The following RABGAP1L variants were observed in gnomAD, a reference collection of about 807,000 sequenced individuals.
The protein encoded by RABGAP1L is RAB GTPase activating protein 1 like.
Under a neutral mutation model 137.7 loss-of-function variants are expected in RABGAP1L, and 63 were observed. That is an observed-to-expected ratio of 0.46 (90% CI 0.37 to 0.56). The LOEUF (loss-of-function observed/expected upper bound fraction) is 0.56. Ranked by LOEUF, RABGAP1L falls within the 20% of genes least tolerant of loss-of-function variation. The probability of loss-of-function intolerance (pLI) is 0.00; values close to 1 mark genes in which losing one functional copy is unlikely to be tolerated. For missense variants in RABGAP1L, 1,095 were observed against 1,244.0 expected (o/e 0.88, Z 1.80); for synonymous variants, 431 against 433.7 (o/e 0.99, Z 0.08).
chr1:174,385,321 A>G (rs1464080216), intron 12 of RABGAP1L, among the ~76,000 whole-genome samples: 1 of 152,232 alleles, frequency 6.6e-6, no homozygotes, highest in East Asian at 1.9e-4. Context: ...TTGAGCTACT[A>G]GAAGACTTGC....
intron 18 of RABGAP1L, among the ~76,000 whole-genome samples, chr1:174,791,010 G>A (rs1237982039): frequency 6.6e-6 from 1 of 152,012 alleles, no homozygotes; most frequent in Non-Finnish European, 1.5e-5. Flanking sequence ...GGCCAACATG[G>A]TGAAACCCCG....
At chr1:174,209,521 C>T (rs577915178) in intron 1 of RABGAP1L, among the ~76,000 whole-genome samples, 11 of 152,308 alleles carry the variant, frequency 7.2e-5, no homozygotes, top group Admixed American at 4.6e-4. Flanking sequence ...CCTGTGGAAA[C>T]GACAGGGATG....
intron 13 of RABGAP1L, among the ~76,000 whole-genome samples, chr1:174,452,701 A>C (rs531363556): frequency 1.3e-5 from 2 of 152,078 alleles, no homozygotes; most frequent in African/African-American, 4.8e-5. Flanking sequence ...AGCTGGGACT[A>C]CAGGCAGCTG....
chr1:174,595,946 C>T (rs1475445112), intron 13 of RABGAP1L, among the ~76,000 whole-genome samples: 1 of 103,982 alleles, frequency 9.6e-6, no homozygotes, highest in Non-Finnish European at 1.8e-5. Context: ...GGGCGCCCCT[C>T]CCCCAGCCTC....
intron 10 of RABGAP1L, among the ~76,000 whole-genome samples, chr1:174,290,985 C>G (rs1001545848): frequency 2.0e-5 from 3 of 152,090 alleles, no homozygotes; most frequent in African/African-American, 7.2e-5. Flanking sequence ...GTCTTGAACT[C>G]TTGGACTCAA....
At chr1:174,763,446 C>G (rs200498837) in intron 18 of RABGAP1L, among the ~76,000 whole-genome samples, 6 of 148,342 alleles carry the variant, frequency 4.0e-5, no homozygotes, top group South Asian at 4.3e-4. Context: ...GTCAGGAGAT[C>G]GAGACCATCC....
intron 13 of RABGAP1L, among the ~76,000 whole-genome samples, chr1:174,408,951 T>A (rs1281934675): frequency 6.6e-6 from 1 of 152,204 alleles, no homozygotes; most frequent in Non-Finnish European, 1.5e-5. Flanking sequence ...TCCTTATAGA[T>A]TCTAATGTTA....
At chr1:174,531,837 G>GA (rs1488978085) in intron 13 of RABGAP1L, among the ~76,000 whole-genome samples, 1 of 151,756 alleles carries the variant, frequency 6.6e-6, no homozygotes, top group East Asian at 1.9e-4. Context: ...TTCCAAATGA[G>GA]AAAAATATAG....
At chr1:174,193,425 G>A (rs1039443927) in intron 1 of RABGAP1L, among the ~76,000 whole-genome samples, 61 of 152,214 alleles carry the variant, frequency 4.0e-4, no homozygotes, top group African/African-American at 1.3e-3. Flanking sequence ...CCAGCTACTC[G>A]GGAGGCTGAG....
At chr1:174,756,165 T>G (rs1488486056) in intron 18 of RABGAP1L, among the ~76,000 whole-genome samples, 1 of 152,188 alleles carries the variant, frequency 6.6e-6, no homozygotes, top group Non-Finnish European at 1.5e-5. Context: ...ATAATTTATT[T>G]TGAGGCAGAG....
intron 11 of RABGAP1L, among the ~76,000 whole-genome samples, chr1:174,314,207 G>A (rs1209211520): frequency 6.6e-6 from 1 of 152,092 alleles, no homozygotes; most frequent in Non-Finnish European, 1.5e-5. Context: ...AGTCTATTCA[G>A]GTCTTGGATT....
chr1:174,989,777 G>A, intron 25 of RABGAP1L, 72 bp from the exon 26 acceptor site: 5 of 1,480,954 alleles, frequency 3.4e-6, no homozygotes, highest in Non-Finnish European at 4.6e-6. Context: ...CCAAAAAGCT[G>A]CACACTTTTA....
intron 19 of RABGAP1L, among the ~76,000 whole-genome samples, chr1:174,948,196 ATAAT>A (rs1667171856): frequency 6.6e-6 from 1 of 152,162 alleles, no homozygotes; most frequent in Admixed American, 6.5e-5. Flanking sequence ...ATAGTCAATA[ATAAT>A]TAATTGTACA....
chr1:174,841,290 T>C (rs1400375119), intron 19 of RABGAP1L, among the ~76,000 whole-genome samples: 2 of 152,280 alleles, frequency 1.3e-5, no homozygotes, highest in East Asian at 3.9e-4. Flanking sequence ...TTCTGTGATC[T>C]CATTGCAATA....
At chr1:174,918,470 C>T (rs1227123539) in intron 19 of RABGAP1L, among the ~76,000 whole-genome samples, 6 of 152,084 alleles carry the variant, frequency 3.9e-5, no homozygotes, top group Non-Finnish European at 8.8e-5. Flanking sequence ...CAGTTATGCT[C>T]ACAGAATCTG....
chr1:174,181,423 C>T (rs1160210870), intron 1 of RABGAP1L, among the ~76,000 whole-genome samples: 1 of 151,492 alleles, frequency 6.6e-6, no homozygotes, highest in African/African-American at 2.4e-5. Context: ...CTGCAAGCTC[C>T]GCCTCCCAGG....
chr1:174,890,835 G>C lies in RABGAP1L; in HGVS notation c.2341-66622G>C, dbSNP rs183547889. On this transcript the variant is annotated intron_variant, in intron 19 of 25. Transcript: ENST00000681986. The stretch of plus-strand genomic sequence containing the variant: ...TCCTTGTTCATTTGAAAGCTACATA[G>C]TATTTCACTGTATAGATTTCTATAA... Among the ~76,000 whole-genome samples the C allele has an allele frequency of 3.7e-3, 565 of 152,054 alleles. 3 individuals are homozygous for C. The highest frequency in any genetic ancestry group is 0.013 in the African/African-American group (540 of 41,474).
chr1:174,544,107 C>T (rs886546073), intron 13 of RABGAP1L, among the ~76,000 whole-genome samples: 11 of 152,006 alleles, frequency 7.2e-5, no homozygotes, highest in East Asian at 3.9e-4. Context: ...ATCTTTGTGG[C>T]GTTCTCTGTA....
chr1:174,391,554 A>G (rs1246630348), intron 12 of RABGAP1L, among the ~76,000 whole-genome samples: 4 of 152,074 alleles, frequency 2.6e-5, no homozygotes, highest in African/African-American at 9.7e-5. Flanking sequence ...CTGGTCTGGA[A>G]CTGGTCTGAA....
Sources: allele counts gnomAD v4.1 joint callset (sites outside exome capture counted in the v4.1 genomes callset), GRCh38; gene constraint gnomAD v4.1.1; transcripts MANE v1.5; gene names NCBI Gene and HGNC (gene_info 2026-07-23, HGNC 2026-07-21).